Variants in VAV3 observed in about 807,000 individuals in gnomAD.
VAV3 encodes guanine nucleotide exchange factor VAV3.
In VAV3, 94 loss-of-function variants were observed where a neutral mutation model predicts 131.2. The observed-to-expected ratio is 0.72, with a 90% CI of 0.61 to 0.85. VAV3 has a LOEUF of 0.85. Ranked by LOEUF, VAV3 falls within the 40% of genes least tolerant of loss-of-function variation. The probability of loss-of-function intolerance (pLI) is 0.00; values close to 1 mark genes in which losing one functional copy is unlikely to be tolerated. For missense variants in VAV3, 939 were observed against 1,002.7 expected, an observed-to-expected ratio of 0.94 and a Z score of 0.86; for synonymous variants, 349 against 342.0, an observed-to-expected ratio of 1.02 and a Z score of -0.22.
chr1:107,698,109 G>A (rs946731591), intron 17 of VAV3, among the ~76,000 whole-genome samples: 4 of 152,188 alleles, frequency 2.6e-5, no homozygotes, highest in Admixed American at 6.5e-5. Context: ...TCTGTAAGAT[G>A]TCAATAATAC....
At chr1:107,618,384 G>A (rs768171203) in intron 20 of VAV3, among the ~76,000 whole-genome samples, 11 of 152,160 alleles carry the variant, frequency 7.2e-5, no homozygotes, top group African/African-American at 1.2e-4. Flanking sequence ...AGCAAGATGA[G>A]ATTTCAAGAT....
intron 2 of VAV3, among the ~76,000 whole-genome samples, chr1:107,850,408 C>T (rs1419151031): frequency 6.6e-6 from 1 of 152,164 alleles, no homozygotes; most frequent in Non-Finnish European, 1.5e-5. Flanking sequence ...AGAATGAGTT[C>T]ATGTCCTTTG....
At chr1:107,808,172 C>A (rs1388210100) in intron 2 of VAV3, among the ~76,000 whole-genome samples, 1 of 152,178 alleles carries the variant, frequency 6.6e-6, no homozygotes, top group Non-Finnish European at 1.5e-5. Flanking sequence ...TTAACACTAA[C>A]ATTTCCATCT....
chr1:107,782,839 T>C (rs1194441135), intron 2 of VAV3, among the ~76,000 whole-genome samples: 1 of 152,222 alleles, frequency 6.6e-6, no homozygotes, highest in Non-Finnish European at 1.5e-5. Flanking sequence ...GAAACATCCA[T>C]TCAAGAATTT....
intron 19 of VAV3, among the ~76,000 whole-genome samples, chr1:107,677,456 G>A (rs906532613): frequency 6.6e-6 from 1 of 152,010 alleles, no homozygotes; most frequent in African/African-American, 2.4e-5. Context: ...GCATTACAAT[G>A]GCATATCCTT....
At chr1:107,614,479 T>TA (rs141884557) in intron 21 of VAV3, among the ~76,000 whole-genome samples, 8,750 of 149,592 alleles carry the variant, frequency 0.058, 618 homozygotes, top group African/African-American at 0.18. Flanking sequence ...GCCCTATAAT[T>TA]AAAAAAAAAA....
rs546322172 is a variant in VAV3, at chr1:107,786,984, C to CACACACATACACACAT, written c.322-7508_322-7493dup. 4.3e-4 allele frequency among the ~76,000 whole-genome samples: 65 copies of CACACACATACACACAT among 152,292 alleles called. 1 individual carries two copies. The highest frequency in any genetic ancestry group is 6.8e-3 in the Middle Eastern group (2 of 294). On this transcript the variant is annotated intron_variant, in intron 2 of 26. Transcript: ENST00000370056. ...AAAAAATTAAACCCACCTATCTACA[C>CACACACATACACACAT]ACACACATACACACATACACACACA...
chr1:107,902,275 G>A (rs544495939), intron 1 of VAV3, among the ~76,000 whole-genome samples: 7 of 152,210 alleles, frequency 4.6e-5, no homozygotes, highest in African/African-American at 1.7e-4. Context: ...TGATTAAAAG[G>A]CCATCTGTGA....
rs58865681 is a variant in VAV3 at position 107,950,130 on chromosome 1, C to CAA, written c.204+14534_204+14535dup. On this transcript the variant is annotated intron_variant, in intron 1 of 26. Transcript: ENST00000370056. ...CCCCTGGATTCTGGAAACCACAAAA[C>CAA]AAAAAAAAAGTACTTCTACTGTATA... Among the ~76,000 whole-genome samples, 148 of 150,306 alleles carry CAA rather than the reference C, an allele frequency of 9.8e-4. 1 individual carries two copies. Among genetic ancestry groups the CAA allele is most frequent in the South Asian group, 4.0e-3 (19 of 4,760 alleles).
At chr1:107,609,581 G>C (rs1652561570) in intron 22 of VAV3, 1 of 177,606 alleles carries the variant, frequency 5.6e-6, no homozygotes, top group Non-Finnish European at 1.2e-5. Flanking sequence ...TCCTTTTTGA[G>C]CTAATTTTTA....
At chr1:107,621,461 C>T (rs1407462503) in intron 20 of VAV3, among the ~76,000 whole-genome samples, 7 of 151,818 alleles carry the variant, frequency 4.6e-5, no homozygotes, top group African/African-American at 1.2e-4. Flanking sequence ...GTGGGATGTA[C>T]GTTGGTAATT....
At chr1:107,828,524 G>A (rs1026208453) in intron 2 of VAV3, among the ~76,000 whole-genome samples, 14 of 151,996 alleles carry the variant, frequency 9.2e-5, no homozygotes, top group Admixed American at 2.6e-4. Flanking sequence ...CAAAAATCAC[G>A]GGGTTGGCAG....
At chr1:107,822,664 A>G (rs1667847919) in intron 2 of VAV3, among the ~76,000 whole-genome samples, 2 of 48,270 alleles carry the variant, frequency 4.1e-5, no homozygotes, top group Admixed American at 4.9e-4. Context: ...AAAAAAATAA[A>G]TAAATAAATA....
chr1:107,657,013 G>A (rs1656618122), intron 19 of VAV3, among the ~76,000 whole-genome samples: 1 of 130,092 alleles, frequency 7.7e-6, no homozygotes, highest in South Asian at 2.4e-4. Flanking sequence ...GAGTGCAGTG[G>A]CACAATCTCA....
intron 24 of VAV3, among the ~76,000 whole-genome samples, chr1:107,600,117 A>G (rs1019339730): frequency 6.6e-6 from 1 of 151,938 alleles, no homozygotes; most frequent in Non-Finnish European, 1.5e-5. Context: ...CTTGGTGTAG[A>G]CGTATTTACT....
intron 10 of VAV3, among the ~76,000 whole-genome samples, chr1:107,759,321 T>C (rs191325355): frequency 2.4e-4 from 36 of 152,352 alleles, no homozygotes; most frequent in African/African-American, 8.2e-4. Context: ...TATTCTTTTA[T>C]TCCTTAAAAG....
intron 17 of VAV3, among the ~76,000 whole-genome samples, chr1:107,698,133 T>C (rs926883271): frequency 2.0e-5 from 3 of 152,220 alleles, no homozygotes; most frequent in African/African-American, 7.2e-5. Context: ...CTTCACAGAA[T>C]TTATATAGGA....
At chr1:107,889,180 T>C (rs569320575) in intron 1 of VAV3, among the ~76,000 whole-genome samples, 13 of 144,096 alleles carry the variant, frequency 9.0e-5, no homozygotes, top group Non-Finnish European at 1.7e-4. Context: ...TCACTTGCCA[T>C]GTAGCAGGCT....
At chr1:107,844,449 C>T (rs955618674) in intron 2 of VAV3, among the ~76,000 whole-genome samples, 1 of 152,132 alleles carries the variant, frequency 6.6e-6, no homozygotes, top group Non-Finnish European at 1.5e-5. Context: ...CCCAGTGGTT[C>T]CTGGAACACC....
Sources: allele counts gnomAD v4.1 joint callset (sites outside exome capture counted in the v4.1 genomes callset), GRCh38; gene constraint gnomAD v4.1.1; transcripts MANE v1.5; gene names NCBI Gene and HGNC (gene_info 2026-07-23, HGNC 2026-07-21).